IL7R: variants seen among roughly 807,000 people sequenced by gnomAD.
IL7R encodes the protein interleukin-7 receptor subunit alpha.
In IL7R, 38 loss-of-function variants were observed where a neutral mutation model predicts 47.0. That is an observed-to-expected ratio of 0.81 (90% CI 0.62 to 1.06). The LOEUF (loss-of-function observed/expected upper bound fraction) is 1.06. Ranked by LOEUF, IL7R falls within the 50% of genes least tolerant of loss-of-function variation. The pLI, the probability that IL7R is intolerant of heterozygous loss-of-function variation, is 0.00. For synonymous variants in IL7R, 221 were observed against 199.8 expected, an observed-to-expected ratio of 1.11 and a Z score of -0.89; for missense variants, 633 against 534.8, an observed-to-expected ratio of 1.18 and a Z score of -1.81.
Position 35,876,146 on chromosome 5 carries a change from C to T in IL7R, c.1040C>T (p.Pro347Leu), listed in dbSNP as rs1258559466. 6 of 1,613,962 alleles carry T rather than the reference C, an allele frequency of 3.7e-6. No individual in the cohort carries two copies. The highest frequency in any genetic ancestry group is 5.1e-6 in the Non-Finnish European group (6 of 1,179,992). ...KQRLGGDVQS[P>L]NCPSEDVVIT... The stretch of plus-strand genomic sequence containing the variant: ...AGGCTTGGAGGGGATGTGCAGAGCC[C>T]CAACTGCCCATCTGAGGATGTAGTC... Residue 347 changes from proline to leucine, a missense_variant, in exon 8 of 8, where the codon CCC becomes CTC. Pro to Leu is a moderately conservative substitution (Grantham distance 98). Transcript: ENST00000303115.
intron 2 of IL7R, among the ~76,000 whole-genome samples, chr5:35,861,581 G>C (rs1049608618): frequency 1.3e-5 from 2 of 152,064 alleles, no homozygotes; most frequent in African/African-American, 4.8e-5. Flanking sequence ...TGTGAATATT[G>C]ACCTAACTTC....
At chr5:35,873,391 A>G (rs1554067076) in intron 4 of IL7R, 89 bp from the exon 5 acceptor site, 2 of 1,101,152 alleles carry the variant, frequency 1.8e-6, no homozygotes, top group Non-Finnish European at 2.8e-6. Flanking sequence ...TGCTTATGGG[A>G]CTAAAGGAAT....
At chr5:35,859,180 A>G (rs1759736618) in intron 1 of IL7R, among the ~76,000 whole-genome samples, 1 of 152,232 alleles carries the variant, frequency 6.6e-6, no homozygotes, top group Non-Finnish European at 1.5e-5. Flanking sequence ...GCTTTGCCAG[A>G]CTGAGTGGCA....
intron 3 of IL7R, among the ~76,000 whole-genome samples, chr5:35,870,593 C>A (rs556164348): frequency 9.2e-5 from 14 of 152,334 alleles, no homozygotes; most frequent in Non-Finnish European, 8.8e-5. Context: ...ACACTAGCTG[C>A]TGTAACAAAT....
rs757797163 is a variant in IL7R, at chr5:35,867,329, G to T, written c.245G>T (p.Cys82Phe). The T allele has an allele frequency of 6.2e-7, 1 of 1,613,688 alleles. No individual in the cohort carries two copies. Among genetic ancestry groups the T allele is most frequent in the Non-Finnish European group, 8.5e-7 (1 of 1,179,716 alleles). Residue 82 changes from cysteine (C) to phenylalanine (F), a missense_variant, in exon 3 of 8, where the codon TGC (cysteine) becomes TTC (phenylalanine). Cys to Phe is a radical substitution (Grantham distance 205). Coordinates refer to ENST00000303115, the MANE Select transcript of IL7R (RefSeq NM_002185.5). ...EICGALVEVK[C>F]LNFRKLQEIY... ...AGTGGGGCCCTCGTGGAGGTAAAGTGCCTGAATTTCAGGAAACTACAAGAG... is the reference window on the plus strand; with the variant it reads ...AGTGGGGCCCTCGTGGAGGTAAAGTTCCTGAATTTCAGGAAACTACAAGAG...
In IL7R at chr5:35,878,548, C is replaced by G. The variant is rs1760271859; in HGVS notation, c.*2062C>G. The G allele has an allele frequency of 8.6e-6, 2 of 232,748 alleles. No homozygotes were observed. Among genetic ancestry groups the G allele is most frequent in the Admixed American group, 1.1e-4 (2 of 17,772 alleles). The allele number at this position is 232,748 out of a possible 1,614,324, so 14.4% of individuals were successfully genotyped here. ...TACATGGAGGAAAAGTAGAATCTGC[C>G]TGGTTTGTAGGCAGCAGAAGACATT... is the stretch of plus-strand genomic sequence containing the variant. On this transcript the variant is annotated 3_prime_UTR_variant, in exon 8 of 8. Coordinates refer to ENST00000303115, the MANE Select transcript of IL7R (RefSeq NM_002185.5).
chr5:35,867,523 C>G (rs1395301334), intron 3 of IL7R, 60 bp downstream of exon 3: 1 of 1,341,112 alleles, frequency 7.5e-7, no homozygotes, highest in South Asian at 1.2e-5. Flanking sequence ...AACACTGTGT[C>G]TGGACATTCT....
At chr5:35,875,608 A>G in intron 7 of IL7R, 21 bp downstream of exon 7, 1 of 1,572,520 alleles carries the variant, frequency 6.4e-7, no homozygotes. Context: ...TTGGTGCTTA[A>G]AAAGTGTTGT....
chr5:35,870,204 A>G (rs11567744), intron 3 of IL7R, among the ~76,000 whole-genome samples: 129 of 152,332 alleles, frequency 8.5e-4, no homozygotes, highest in African/African-American at 3.1e-3. Flanking sequence ...TAGGAAATCA[A>G]TACCTTTCTC....
At chr5:35,860,731 T>G in intron 1 of IL7R, 121 bp from the exon 2 acceptor site, 1 of 1,022,094 alleles carries the variant, frequency 9.8e-7, no homozygotes, top group Non-Finnish European at 1.5e-6. Context: ...CCTTGAATAC[T>G]ACATAATCCA....
chr5:35,872,152 C>T (rs1760087020), intron 4 of IL7R, among the ~76,000 whole-genome samples: 1 of 152,122 alleles, frequency 6.6e-6, no homozygotes. Flanking sequence ...TGAATAAATG[C>T]TGCCAGGACA....
rs201790771 is a variant in IL7R at position 35,876,263 on chromosome 5, G to A, written c.1157G>A (p.Arg386Lys). The change falls in exon 8 of 8, where the codon AGG (arginine) becomes AAG (lysine). Residue 386 changes from arginine to lysine, a missense_variant. Coordinates refer to ENST00000303115, the MANE Select transcript of IL7R (RefSeq NM_002185.5). ...ACDAPILSSS[R>K]SLDCRESGKN... is the part of the protein sequence containing the mutation. ...GACGCCCCTATTCTCTCCTCTTCCA[G>A]GTCCCTAGACTGCAGGGAGAGTGGC... 6.2e-7 allele frequency: 1 copy of A among 1,614,072 alleles called. No homozygotes were observed. Among genetic ancestry groups the A allele is most frequent in the Non-Finnish European group, 8.5e-7 (1 of 1,180,010 alleles).
At chr5:35,871,344 TC>T in intron 4 of IL7R, 131 bp downstream of exon 4, 1 of 701,674 alleles carries the variant, frequency 1.4e-6, no homozygotes, top group East Asian at 2.7e-5. Flanking sequence ...TGAAAGAATC[TC>T]CCAATATTGG....
rs201275186 is a variant in IL7R, at chr5:35,876,063, A to C, written c.957A>C (p.Glu319Asp). Residue 319 changes from glutamate (E) to aspartate (D), a missense_variant, in exon 8 of 8, where the codon GAA becomes GAC. By Grantham distance (45) the Glu-to-Asp change is conservative. Transcript: ENST00000303115. The part of the protein sequence containing the change: ...HRVDDIQARD[E>D]VEGFLQDTFP... Reference sequence around the variant, plus strand: ...TGGATGACATTCAAGCTAGAGATGAAGTGGAAGGTTTTCTGCAAGATACGT... The same window carrying C: ...TGGATGACATTCAAGCTAGAGATGACGTGGAAGGTTTTCTGCAAGATACGT... The C allele has an allele frequency of 2.5e-6, 4 of 1,614,058 alleles. No homozygotes were observed. Among genetic ancestry groups the C allele is most frequent in the Non-Finnish European group, 8.5e-7 (1 of 1,180,038 alleles).
intron 1 of IL7R, among the ~76,000 whole-genome samples, chr5:35,857,396 A>G (rs187708133): frequency 2.0e-5 from 3 of 152,262 alleles, no homozygotes; most frequent in African/African-American, 7.2e-5. Context: ...AAGTAATTTT[A>G]CCTTGTCAGG....
rs200889239 is a variant in IL7R, at chr5:35,876,021, C to T, written c.915C>T (p.Asp305=). 1 of 1,613,842 alleles carries T rather than the reference C, an allele frequency of 6.2e-7. No individual in the cohort carries two copies. The highest frequency in any genetic ancestry group is 8.5e-7 in the Non-Finnish European group (1 of 1,180,016). Residue 305 remains aspartate, a synonymous_variant, in exon 8 of 8, where the codon GAC becomes GAT. Coordinates refer to ENST00000303115, the MANE Select transcript of IL7R (RefSeq NM_002185.5). The part of the protein sequence containing the change: ...NVSFNPESFL[D]CQIHRVDDIQ... Reference sequence around the variant, plus strand: ...GTTTCAATCCTGAAAGTTTCCTGGACTGCCAGATTCATAGGGTGGATGACA... The same window carrying T: ...GTTTCAATCCTGAAAGTTTCCTGGATTGCCAGATTCATAGGGTGGATGACA...
chr5:35,877,856 A>C lies in IL7R; in HGVS notation c.*1370A>C. ...GAGTAATGTCAGCTCAGCAAAGTGC[A>C]GCAAACCCATCTCCCACAGGCCTCC... On this transcript the variant is annotated 3_prime_UTR_variant, in exon 8 of 8. Transcript: ENST00000303115. 1 of 233,348 alleles carries C rather than the reference A, an allele frequency of 4.3e-6. No homozygotes were observed. Among genetic ancestry groups the C allele is most frequent in the Non-Finnish European group, 8.5e-6 (1 of 118,088 alleles). 14.5% of individuals were successfully genotyped at this position (233,348 alleles called of 1,614,324 possible). A position where few individuals can be genotyped will look rare whatever the true frequency, so the allele number is the denominator to read the frequency against.
Position 35,856,909 on chromosome 5 carries a change from T to C in IL7R, c.-69T>C, listed in dbSNP as rs1279083638. 1.1e-6 allele frequency: 1 copy of C among 893,238 alleles called. No individual in the cohort carries two copies. Among genetic ancestry groups the C allele is most frequent in the African/African-American group, 1.6e-5 (1 of 61,316 alleles). 55.3% of individuals were successfully genotyped at this position (893,238 alleles called of 1,614,324 possible). ...TCTCTGTCTTCCTCCCTCCCTCCCTTCCTCTTACTCTCATTCATTTCATAC... is the reference window on the plus strand; with the variant it reads ...TCTCTGTCTTCCTCCCTCCCTCCCTCCCTCTTACTCTCATTCATTTCATAC... On this transcript the variant is annotated 5_prime_UTR_variant, in exon 1 of 8. Coordinates refer to ENST00000303115, the MANE Select transcript of IL7R (RefSeq NM_002185.5).
chr5:35,868,295 C>T (rs1413909697), intron 3 of IL7R, among the ~76,000 whole-genome samples: 1 of 152,192 alleles, frequency 6.6e-6, no homozygotes, highest in Non-Finnish European at 1.5e-5. Flanking sequence ...TTCGCTCCCC[C>T]TTCAACCCTC....
Sources: gnomAD v4.1 joint callset for allele counts (sites outside exome capture counted in the v4.1 genomes callset) on GRCh38, gnomAD v4.1.1 for gene constraint, MANE v1.5 for transcripts, NCBI Gene and HGNC (gene_info 2026-07-23, HGNC 2026-07-21) for gene names.